FRMPD4: variants seen among roughly 807,000 people sequenced by gnomAD.
The protein encoded by FRMPD4 is FERM and PDZ domain-containing protein 4.
A neutral mutation model predicts 94.1 loss-of-function variants in FRMPD4; 22 were observed. That is an observed-to-expected ratio of 0.23 (90% CI 0.17 to 0.33). The LOEUF (loss-of-function observed/expected upper bound fraction) is 0.33. Among genes scored for constraint, FRMPD4 ranks in the 10% least tolerant of loss-of-function variants. The probability of loss-of-function intolerance (pLI) is 1.00; values close to 1 mark genes in which losing one functional copy is unlikely to be tolerated. For synonymous variants in FRMPD4, 631 were observed against 548.6 expected (o/e 1.15, Z -2.10); for missense variants, 1,111 against 1,339.9 (o/e 0.83, Z 2.67).
intron 2 of FRMPD4, among the ~76,000 whole-genome samples, chrX:12,512,418 C>T (rs375024221): frequency 6.2e-5 from 7 of 112,232 alleles, no homozygotes; most frequent in African/African-American, 1.6e-4. Flanking sequence ...TGTTCCTCTC[C>T]GTGTCCATGT....
chrX:12,546,177 C>CTTTTTTTTT (rs11321204), intron 2 of FRMPD4, among the ~76,000 whole-genome samples: 1 of 91,941 alleles, frequency 1.1e-5, no homozygotes, highest in Non-Finnish European at 2.2e-5. Context: ...TGCCAACTGT[C>CTTTTTTTTT]TTTTTTTTTT....
chrX:12,230,955 AT>A (rs2056982464), intron 1 of FRMPD4, among the ~76,000 whole-genome samples: 2 of 73,999 alleles, frequency 2.7e-5, no homozygotes, highest in East Asian at 3.6e-4. Flanking sequence ...GTAATATAGT[AT>A]ATATAGTAAA....
intron 3 of FRMPD4, among the ~76,000 whole-genome samples, chrX:12,055,764 T>C (rs188625069): frequency 1.3e-3 from 148 of 111,737 alleles, no homozygotes; most frequent in African/African-American, 4.7e-3. Context: ...AAGAAGCATG[T>C]CCAACTAGAG....
At chrX:12,112,899 A>C (rs1317944686) in intron 3 of FRMPD4, among the ~76,000 whole-genome samples, 4 of 111,386 alleles carry the variant, frequency 3.6e-5, no homozygotes, top group African/African-American at 1.3e-4. Context: ...GGGGTGACCA[A>C]GACCTGGCCA....
At chrX:12,716,015 CACCCA>C in intron 14 of FRMPD4, 49 bp from the exon 15 acceptor site, 1 of 368,542 alleles carries the variant, frequency 2.7e-6, no homozygotes. Flanking sequence ...ACCCCCGCCC[CACCCA>C]AAACCAGACA....
chrX:12,539,520 G>A (rs1389706658), intron 2 of FRMPD4, among the ~76,000 whole-genome samples: 4 of 112,115 alleles, frequency 3.6e-5, no homozygotes, highest in Middle Eastern at 4.2e-3. Flanking sequence ...AGGAAAAAAT[G>A]TTAAGGGCAG....
chrX:12,044,346 T>C (rs1441510063), intron 3 of FRMPD4, among the ~76,000 whole-genome samples: 1 of 112,309 alleles, frequency 8.9e-6, no homozygotes, highest in African/African-American at 3.2e-5. Context: ...CTCTGCTCTG[T>C]TGGAGTCACA....
chrX:12,249,844 C>T (rs1198618116), intron 1 of FRMPD4, among the ~76,000 whole-genome samples: 1 of 110,823 alleles, frequency 9.0e-6, no homozygotes, highest in Non-Finnish European at 1.9e-5. Context: ...ATTTCTAGGA[C>T]CAAAAAAATC....
rs1317239244 is a variant in FRMPD4 at position 12,240,437 on chromosome X, A to G, written c.41+101425A>G. ...GTGATGCAGATGAGAGACCACAGAT[A>G]TAGTGAACAAGAGTCAATGTCAGAC... On this transcript the variant is annotated intron_variant, in intron 1 of 16. Transcript: ENST00000675598. Among the ~76,000 whole-genome samples, 7 of 112,374 alleles carry G rather than the reference A, an allele frequency of 6.2e-5. No homozygotes were observed. The East Asian group carries it at 1.4e-3, about 22-fold the overall frequency.
At chrX:12,687,960 G>A (rs933272374) in intron 7 of FRMPD4, among the ~76,000 whole-genome samples, 3 of 111,801 alleles carry the variant, frequency 2.7e-5, no homozygotes, top group Non-Finnish European at 3.8e-5. Flanking sequence ...AATTGTTAGC[G>A]CAGACTATCT....
At chrX:12,604,766 A>T (rs2059114864) in intron 2 of FRMPD4, among the ~76,000 whole-genome samples, 1 of 111,520 alleles carries the variant, frequency 9.0e-6, no homozygotes, top group Admixed American at 9.5e-5. Context: ...TCACCCAGGT[A>T]TTAAGCCTAG....
chrX:12,474,992 T>G (rs1324032593), intron 1 of FRMPD4, among the ~76,000 whole-genome samples: 172 of 111,557 alleles, frequency 1.5e-3, no homozygotes, highest in African/African-American at 5.5e-3. Context: ...TACCAAAGCC[T>G]AGCAGAGACA....
At chrX:12,438,429 C>T (rs1262344837) in intron 1 of FRMPD4, among the ~76,000 whole-genome samples, 1 of 108,539 alleles carries the variant, frequency 9.2e-6, no homozygotes, top group African/African-American at 3.4e-5. Context: ...CAGACTCTTA[C>T]TGAAAAGACA....
At chrX:12,441,795 T>TTAAC (rs1391280284) in intron 1 of FRMPD4, among the ~76,000 whole-genome samples, 2 of 112,242 alleles carry the variant, frequency 1.8e-5, no homozygotes, top group Non-Finnish European at 3.8e-5. Context: ...GACATGCCTT[T>TTAAC]TAACTATTGA....
At chrX:12,093,068 T>C (rs2055168595) in intron 3 of FRMPD4, among the ~76,000 whole-genome samples, 2 of 110,928 alleles carry the variant, frequency 1.8e-5, no homozygotes, top group Admixed American at 9.6e-5. Context: ...ACATGCTTAA[T>C]TGTAGGAGTG....
At chrX:12,214,800 G>GA (rs1215290902) in intron 1 of FRMPD4, among the ~76,000 whole-genome samples, 1 of 111,874 alleles carries the variant, frequency 8.9e-6, no homozygotes, top group Non-Finnish European at 1.9e-5. Context: ...AATTATATGA[G>GA]AAAATGCTTA....
At chrX:12,286,457 T>A (rs1488733715) in intron 1 of FRMPD4, among the ~76,000 whole-genome samples, 2 of 112,044 alleles carry the variant, frequency 1.8e-5, no homozygotes, top group Non-Finnish European at 3.8e-5. Context: ...TTAAATGATA[T>A]GAATAAGATC....
At chrX:12,540,998 A>G (rs1569324400) in intron 2 of FRMPD4, among the ~76,000 whole-genome samples, 1 of 112,143 alleles carries the variant, frequency 8.9e-6, no homozygotes, top group East Asian at 2.8e-4. Flanking sequence ...TACTGGATAC[A>G]TAACAAAATG....
intron 1 of FRMPD4, among the ~76,000 whole-genome samples, chrX:12,384,576 ACT>A (rs1208264464): frequency 4.5e-5 from 5 of 111,787 alleles, no homozygotes; most frequent in African/African-American, 1.6e-4. Context: ...AGCCTTGGTA[ACT>A]GTCTGGCAGA....
Sources: gnomAD v4.1 joint callset for allele counts (sites outside exome capture counted in the v4.1 genomes callset) on GRCh38, gnomAD v4.1.1 for gene constraint, MANE v1.5 for transcripts, NCBI Gene and HGNC (gene_info 2026-07-23, HGNC 2026-07-21) for gene names.